CHD9: variants seen among roughly 807,000 people sequenced by gnomAD.
CHD9 encodes ATP-dependent chromatin remodeler CHD9.
In CHD9, 77 loss-of-function variants were observed where a neutral mutation model predicts 316.1. The ratio of observed to expected loss-of-function variants is 0.24; its 90% CI spans 0.20 to 0.29. The LOEUF is 0.29. Ranked by LOEUF, CHD9 falls within the 10% of genes least tolerant of loss-of-function variation. The pLI, the probability that CHD9 is intolerant of heterozygous loss-of-function variation, is 1.00. For synonymous variants in CHD9, 1,129 were observed against 1,158.3 expected, an observed-to-expected ratio of 0.97 and a Z score of 0.51; for missense variants, 2,763 against 3,438.1, an observed-to-expected ratio of 0.80 and a Z score of 4.91.
intron 1 of CHD9, among the ~76,000 whole-genome samples, chr16:53,148,579 T>C (rs2040831728): frequency 6.6e-6 from 1 of 152,244 alleles, no homozygotes. Flanking sequence ...GATTTCTGTT[T>C]GTGTTTCACT....
At chr16:53,085,356 G>A (rs1344739315) in intron 1 of CHD9, among the ~76,000 whole-genome samples, 2 of 151,896 alleles carry the variant, frequency 1.3e-5, no homozygotes, top group Non-Finnish European at 2.9e-5. Context: ...GACCCAGCCT[G>A]CCTTTGATCA....
In CHD9 at chr16:53,085,232, T is replaced by A. The variant is rs971186531; in HGVS notation, c.-165+30155T>A. ...TGGTCAGCTGCCTTTGATCATCTTT[T>A]TTTTTTTTTTTTTTTTTATTTTTTT... On this transcript the variant is annotated intron_variant, in intron 1 of 38. Transcript: ENST00000447540. Among the ~76,000 whole-genome samples, 7 of 151,680 alleles carry A rather than the reference T, an allele frequency of 4.6e-5. No individual in the cohort carries two copies. In the South Asian group the frequency reaches 8.4e-4, roughly 18 times the overall value.
At chr16:53,262,216 C>T (rs1035736226) in intron 19 of CHD9, among the ~76,000 whole-genome samples, 4 of 152,028 alleles carry the variant, frequency 2.6e-5, no homozygotes, top group African/African-American at 9.7e-5. Flanking sequence ...ATGCTTCTTT[C>T]ATTTTTATAA....
chr16:53,176,021 A>G (rs1039656364), intron 2 of CHD9, among the ~76,000 whole-genome samples: 1 of 152,218 alleles, frequency 6.6e-6, no homozygotes, highest in African/African-American at 2.4e-5. Context: ...ACAACCATGT[A>G]TCAGTTTCTC....
In CHD9 at chr16:53,156,138, G is replaced by A. The variant is rs778994900; in HGVS notation, c.49G>A (p.Glu17Lys). ...TTTTGATGATGCCAATCTTTTTGGTGAGACCTTAGAAGGTTTGTCAGATGA... is the reference window on the plus strand; with the variant it reads ...TTTTGATGATGCCAATCTTTTTGGTAAGACCTTAGAAGGTTTGTCAGATGA... ...DFFDDANLFGETLEGLSDDAF... is the reference protein window; with the variant it reads ...DFFDDANLFGKTLEGLSDDAF... Residue 17 changes from glutamate to lysine, a missense_variant, in exon 2 of 39, where the codon GAG (glutamate) becomes AAG (lysine). Physicochemically the swap from Glu to Lys is moderately conservative, Grantham distance 56. Around this residue, in one of 15 missense-constraint regions of CHD9, gnomAD observed 859 missense variants for 890.4 expected, o/e 0.96. Transcript: ENST00000447540. 1.2e-6 allele frequency: 2 copies of A among 1,613,326 alleles called. No individual in the cohort carries two copies. The highest frequency in any genetic ancestry group is 2.7e-5 in the African/African-American group (2 of 74,888).
intron 3 of CHD9, among the ~76,000 whole-genome samples, chr16:53,219,329 A>T (rs750375400): frequency 2.6e-5 from 4 of 152,188 alleles, no homozygotes; most frequent in Non-Finnish European, 5.9e-5. Flanking sequence ...TGAAATAGAG[A>T]TAAGAGATTT....
At chr16:53,215,574 A>T (rs1201704303) in intron 3 of CHD9, among the ~76,000 whole-genome samples, 2 of 152,218 alleles carry the variant, frequency 1.3e-5, no homozygotes, top group Non-Finnish European at 2.9e-5. Context: ...GGACTTAAAA[A>T]TAGGCTCAGT....
intron 3 of CHD9, among the ~76,000 whole-genome samples, chr16:53,216,475 A>G (rs1183866717): frequency 1.3e-5 from 2 of 152,166 alleles, no homozygotes; most frequent in Non-Finnish European, 2.9e-5. Context: ...TGGTTGGAGT[A>G]TATGTGTCAT....
chr16:53,319,855 T>G, intron 37 of CHD9: 1 of 1,253,714 alleles, frequency 8.0e-7, no homozygotes, highest in Non-Finnish European at 1.0e-6. Flanking sequence ...ATCTACCTGC[T>G]AAATCCCCAT....
intron 11 of CHD9, among the ~76,000 whole-genome samples, chr16:53,237,428 AT>A (rs989452374): frequency 6.6e-6 from 1 of 152,106 alleles, no homozygotes. Context: ...ATCTTATTGG[AT>A]TTGTTTGAAG....
chr16:53,255,968 G>A (rs939110891), intron 19 of CHD9, among the ~76,000 whole-genome samples, 189 bp downstream of exon 19: 2 of 152,042 alleles, frequency 1.3e-5, no homozygotes, highest in South Asian at 4.1e-4. Context: ...TGATCCTTGT[G>A]AAACAGAATA....
chr16:53,227,349 A>T, intron 5 of CHD9, 47 bp from the exon 6 acceptor site: 2 of 1,284,290 alleles, frequency 1.6e-6, no homozygotes, highest in East Asian at 5.1e-5. Context: ...CAACTAAAAG[A>T]TCTTTCAGAA....
At chr16:53,069,041 A>C (rs562628449) in intron 1 of CHD9, among the ~76,000 whole-genome samples, 1 of 152,062 alleles carries the variant, frequency 6.6e-6, no homozygotes, top group South Asian at 2.1e-4. Flanking sequence ...GTCTTGCTCT[A>C]CTGCCCAGGC....
intron 1 of CHD9, among the ~76,000 whole-genome samples, chr16:53,108,560 A>ATAGG (rs2037561696): frequency 6.6e-6 from 1 of 151,418 alleles, no homozygotes; most frequent in African/African-American, 2.4e-5. Context: ...AGATAGATAG[A>ATAGG]TGCAGATATC....
At chr16:53,190,426 G>A (rs772199366) in intron 2 of CHD9, among the ~76,000 whole-genome samples, 4 of 151,848 alleles carry the variant, frequency 2.6e-5, no homozygotes, top group Non-Finnish European at 4.4e-5. Flanking sequence ...ATCATGACGC[G>A]CCAAGGAGGA....
intron 1 of CHD9, among the ~76,000 whole-genome samples, chr16:53,102,399 T>C (rs2036959373): frequency 1.3e-5 from 2 of 152,060 alleles, no homozygotes; most frequent in Non-Finnish European, 2.9e-5. Flanking sequence ...GATTTTTTCA[T>C]AGTGCTTACA....
At chr16:53,192,104 G>T (rs2044528919) in intron 2 of CHD9, among the ~76,000 whole-genome samples, 1 of 151,812 alleles carries the variant, frequency 6.6e-6, no homozygotes, top group Non-Finnish European at 1.5e-5. Flanking sequence ...CTCTAACATG[G>T]CTGAGACCTA....
At chr16:53,123,430 CATATAA>C (rs1297459171) in intron 1 of CHD9, among the ~76,000 whole-genome samples, 3 of 152,050 alleles carry the variant, frequency 2.0e-5, no homozygotes, top group African/African-American at 4.8e-5. Flanking sequence ...CTGGACATTT[CATATAA>C]ATATAATCAA....
intron 2 of CHD9, among the ~76,000 whole-genome samples, chr16:53,183,047 A>C (rs2043661520): frequency 6.6e-6 from 1 of 152,216 alleles, no homozygotes; most frequent in African/African-American, 2.4e-5. Context: ...ACTTTCTAAA[A>C]GCTGTTAAAG....
Sources: gnomAD v4.1 joint callset for allele counts (sites outside exome capture counted in the v4.1 genomes callset) on GRCh38, gnomAD v4.1.1 for gene constraint, gnomAD v4.1.1 regional missense constraint, MANE v1.5 for transcripts, NCBI Gene and HGNC (gene_info 2026-07-23, HGNC 2026-07-21) for gene names.